FMO5: variants seen among roughly 807,000 people sequenced by gnomAD.
FMO5 encodes flavin containing dimethylaniline monoxygenase 5.
A neutral mutation model predicts 43.6 loss-of-function variants in FMO5; 51 were observed. That is an observed-to-expected ratio of 1.17 (90% CI 0.93 to 1.48). FMO5 has a LOEUF of 1.48. Ranked by LOEUF, FMO5 falls within the 40% of genes most tolerant of loss-of-function variation. The pLI, the probability that FMO5 is intolerant of heterozygous loss-of-function variation, is 0.00. For synonymous variants in FMO5, 187 were observed against 216.5 expected, an observed-to-expected ratio of 0.86 and a Z score of 1.20; for missense variants, 644 against 643.0, an observed-to-expected ratio of 1.00 and a Z score of -0.02.
chr1:147,204,419 G>A (rs1659595516), intron 6 of FMO5: 1 of 1,169,108 alleles, frequency 8.6e-7, no homozygotes, highest in South Asian at 1.2e-5. Flanking sequence ...TTACCATATT[G>A]TTTACACATT....
At chr1:147,225,354 G>C (rs1663863729), upstream of FMO5, 2 of 312,592 alleles carry the variant, frequency 6.4e-6, no homozygotes, top group Non-Finnish European at 1.2e-5. Context: ...GGCGGCTGTT[G>C]TCAAATTACT....
At chr1:147,214,218 G>A (rs1273605515) in intron 3 of FMO5, among the ~76,000 whole-genome samples, 2 of 152,078 alleles carry the variant, frequency 1.3e-5, no homozygotes, top group Non-Finnish European at 2.9e-5. Flanking sequence ...TTGGGAGGCT[G>A]AGCCAGGTGA....
At chr1:147,190,347 A>G in intron 7 of FMO5, 98 bp from the exon 8 acceptor site, 2 of 760,826 alleles carry the variant, frequency 2.6e-6, no homozygotes, top group East Asian at 2.6e-5. Flanking sequence ...AAAGAAATAC[A>G]GGGTAAGTTT....
chr1:147,188,990 T>G (rs1395993722), intron 8 of FMO5, among the ~76,000 whole-genome samples: 1 of 152,082 alleles, frequency 6.6e-6, no homozygotes, highest in Non-Finnish European at 1.5e-5. Flanking sequence ...AGAGAGCAGT[T>G]TCCGGCCAGG....
chr1:147,193,118 G>T (rs1657226109), intron 7 of FMO5, among the ~76,000 whole-genome samples: 1 of 152,058 alleles, frequency 6.6e-6, no homozygotes, highest in African/African-American at 2.4e-5. Flanking sequence ...GGTAGAATTC[G>T]GCTGTGAATC....
intron 4 of FMO5, 150 bp downstream of exon 4, chr1:147,213,158 T>C: frequency 1.5e-6 from 1 of 646,906 alleles, no homozygotes; most frequent in East Asian, 3.2e-5. Context: ...TAATACAAGT[T>C]ACCCCAACAT....
Position 147,186,692 on chromosome 1 carries a change from G to A in FMO5, c.*208C>T. 7.2e-7 allele frequency: 1 copy of A among 1,392,532 alleles called. No homozygotes were observed. The highest frequency in any genetic ancestry group is 1.6e-5 in the South Asian group (1 of 60,610). The allele number at this position is 1,392,532 out of a possible 1,614,324, so 86.3% of individuals were successfully genotyped here. A position where few individuals can be genotyped will look rare whatever the true frequency, so the allele number is the denominator to read the frequency against. ...AGTCTAGGGATTACCACAAGGAAGA[G>A]TGACGGATCATGAGTGGAAGGGAGA... On this transcript the variant is annotated 3_prime_UTR_variant, in exon 9 of 9. Coordinates refer to ENST00000254090, the MANE Select transcript of FMO5 (RefSeq NM_001461.4).
intron 6 of FMO5, among the ~76,000 whole-genome samples, chr1:147,207,136 G>A (rs1206193877): frequency 1.3e-5 from 2 of 152,036 alleles, no homozygotes; most frequent in Non-Finnish European, 2.9e-5. Flanking sequence ...TTATATGATG[G>A]TTATGTAGGA....
At chr1:147,193,602 G>T (rs1452103028) in intron 7 of FMO5, among the ~76,000 whole-genome samples, 1 of 152,040 alleles carries the variant, frequency 6.6e-6, no homozygotes, top group Non-Finnish European at 1.5e-5. Flanking sequence ...TGATGTTAGG[G>T]TGTCAATTTT....
chr1:147,218,525 C>T (rs1335398576), intron 2 of FMO5, among the ~76,000 whole-genome samples: 3 of 151,982 alleles, frequency 2.0e-5, no homozygotes, highest in Admixed American at 6.6e-5. Flanking sequence ...CGTGAGCCAC[C>T]GCGCCCAGCC....
Position 147,187,220 on chromosome 1 carries a change from T to A in FMO5, c.1282A>T (p.Ile428Phe). The part of the protein sequence containing the change: ...KRYVESQRHT[I>F]QGDYIDTMEE... ...ATGGTATCTATGTAGTCTCCCTGAA[T>A]GGTATGGCGTTGGCTCTCCACATAC... The change falls in exon 9 of 9, where the codon ATT becomes TTT. Residue 428 changes from isoleucine (I) to phenylalanine (F), a missense_variant. By Grantham distance (21) the Ile-to-Phe change is conservative (BLOSUM62 0). Transcript: ENST00000254090. The A allele has an allele frequency of 6.2e-7, 1 of 1,612,070 alleles. No homozygotes were observed. The highest frequency in any genetic ancestry group is 8.5e-7 in the Non-Finnish European group (1 of 1,179,032).
Position 147,186,590 on chromosome 1 carries a change from A to T in FMO5, c.*310T>A. On this transcript the variant is annotated 3_prime_UTR_variant, in exon 9 of 9. Coordinates refer to ENST00000254090, the MANE Select transcript of FMO5 (RefSeq NM_001461.4). ...CCATAAAATTTGATAAACAACAAAC[A>T]TTTATTAAGCACCTACCACATGTCA... 1.9e-6 allele frequency: 2 copies of T among 1,058,462 alleles called. No individual in the cohort carries two copies. Among genetic ancestry groups the T allele is most frequent in the Non-Finnish European group, 2.3e-6 (2 of 878,100 alleles). 65.6% of individuals were successfully genotyped at this position (1,058,462 alleles called of 1,614,324 possible).
At chr1:147,199,157 G>A (rs749446822) in intron 7 of FMO5, among the ~76,000 whole-genome samples, 21 of 152,078 alleles carry the variant, frequency 1.4e-4, no homozygotes, top group Non-Finnish European at 2.8e-4. Context: ...TAATTCCAGA[G>A]AACAGAAGAA....
chr1:147,215,089 A>G (rs1553924670), intron 3 of FMO5: 1 of 152,188 alleles, frequency 6.6e-6, no homozygotes, highest in African/African-American at 2.4e-5. Flanking sequence ...ATGATCAGAA[A>G]TTATAGAAAA....
At chr1:147,201,570 A>AATTTTGC in intron 6 of FMO5, 66 bp from the exon 7 acceptor site, 1 of 1,355,944 alleles carries the variant, frequency 7.4e-7, no homozygotes, top group Non-Finnish European at 1.0e-6. Flanking sequence ...ACATAAGTAA[A>AATTTTGC]ATTTTGCTTT....
At chr1:147,189,384 G>A (rs1470769729) in intron 8 of FMO5, among the ~76,000 whole-genome samples, 1 of 152,044 alleles carries the variant, frequency 6.6e-6, no homozygotes, top group African/African-American at 2.4e-5. Flanking sequence ...GTTTGGCAGT[G>A]AAAGGAAGGA....
intron 3 of FMO5, chr1:147,214,840 T>C (rs782210680): frequency 7.2e-5 from 11 of 152,152 alleles, no homozygotes; most frequent in Non-Finnish European, 1.6e-4. Flanking sequence ...TTCTTTTTTG[T>C]CTTTGCATAT....
intron 2 of FMO5, among the ~76,000 whole-genome samples, chr1:147,219,741 TAA>T (rs80312091): frequency 7.5e-6 from 1 of 132,860 alleles, no homozygotes; most frequent in Non-Finnish European, 1.6e-5. Flanking sequence ...CCCAAAGGAT[TAA>T]AAAAAAAAAG....
chr1:147,204,327 G>T, intron 6 of FMO5: 1 of 961,592 alleles, frequency 1.0e-6, no homozygotes, highest in Non-Finnish European at 1.7e-6. Context: ...TACAAACTCT[G>T]ATGTTATCAA....
Sources: allele counts gnomAD v4.1 joint callset (sites outside exome capture counted in the v4.1 genomes callset), GRCh38; gene constraint gnomAD v4.1.1; transcripts MANE v1.5; gene names NCBI Gene and HGNC (gene_info 2026-07-23, HGNC 2026-07-21).